PPP6R2: variants seen among roughly 807,000 people sequenced by gnomAD.
PPP6R2 encodes protein phosphatase 6 regulatory subunit 2, also known as serine/threonine-protein phosphatase 6 regulatory subunit 2.
A neutral mutation model predicts 100.2 loss-of-function variants in PPP6R2; 62 were observed. The observed-to-expected ratio is 0.62, with a 90% CI of 0.50 to 0.76. The LOEUF (loss-of-function observed/expected upper bound fraction) is 0.76, where lower values mean the gene tolerates loss of function less well. Among genes scored for constraint, PPP6R2 ranks in the 30% least tolerant of loss-of-function variants. The pLI is 0.00. For missense variants in PPP6R2, 1,142 were observed against 1,276.3 expected (o/e 0.89, Z 1.60); for synonymous variants, 525 against 514.7 (o/e 1.02, Z -0.27).
intron 10 of PPP6R2, among the ~76,000 whole-genome samples, chr22:50,424,431 AGGTCCGTCCGCGTGTGG>A (rs2061759976): frequency 7.4e-6 from 1 of 135,086 alleles, no homozygotes; most frequent in Non-Finnish European, 1.6e-5. Flanking sequence ...CGCGTGTGGA[AGGTCCGTCCGCGTGTGG>A]AACGTCTGTC....
chr22:50,370,478 G>T (rs1039462835), intron 1 of PPP6R2, among the ~76,000 whole-genome samples: 2 of 151,282 alleles, frequency 1.3e-5, no homozygotes, highest in African/African-American at 4.9e-5. Context: ...TAGTAGAGAT[G>T]GGGTTTCACT....
chr22:50,336,870 C>A, the PPP6R2 span, among the ~76,000 whole-genome samples: 1 of 151,804 alleles, frequency 6.6e-6, no homozygotes, highest in African/African-American at 2.4e-5. Flanking sequence ...CCATGCCCAG[C>A]TAATTTTAAA....
At chr22:50,397,575 T>TGC (rs1569403999) in intron 3 of PPP6R2, among the ~76,000 whole-genome samples, 1 of 103,174 alleles carries the variant, frequency 9.7e-6, no homozygotes, top group African/African-American at 3.6e-5. Context: ...AGCCCTGTCA[T>TGC]CTCTGAGTTT....
At chr22:50,352,869 C>A (rs2045635228) in intron 1 of PPP6R2, among the ~76,000 whole-genome samples, 1 of 151,980 alleles carries the variant, frequency 6.6e-6, no homozygotes, top group African/African-American at 2.4e-5. Flanking sequence ...GAGTTTGAGA[C>A]CAACCTGAGT....
At chr22:50,341,643 AATGTTGGTAGTGGAGCTACC>A (rs2042398542), upstream of PPP6R2, among the ~76,000 whole-genome samples, 2 of 152,166 alleles carry the variant, frequency 1.3e-5, no homozygotes, top group South Asian at 4.1e-4. Context: ...TTTGAACCAG[AATGTTGGTAGTGGAGCTACC>A]ACATGTTGCA....
intron 16 of PPP6R2, 37 bp from the exon 17 acceptor site, chr22:50,437,806 T>C (rs5770779): frequency 0.72 from 1,115,122 of 1,549,672 alleles, 403,771 homozygotes; most frequent in East Asian, 0.96. Context: ...GCAGTGGGCC[T>C]GGAGGAACGC....
At chr22:50,418,011 A>C (rs750717770) in intron 6 of PPP6R2, among the ~76,000 whole-genome samples, 6 of 152,328 alleles carry the variant, frequency 3.9e-5, no homozygotes, top group Non-Finnish European at 7.4e-5. Context: ...TTGCGTGTTA[A>C]TGTTTCCCTA....
rs934248093 is a variant in PPP6R2 at position 50,423,197 on chromosome 22, G to A, written c.973-265G>A. On this transcript the variant is annotated intron_variant, in intron 9 of 23. Transcript: ENST00000612753. This position sits in a 1 kb window ranked among gnomAD's most constrained non-coding sequence, Gnocchi z 4.8. The stretch of plus-strand genomic sequence containing the variant: ...GGACATCTCACCCGCTGAGGTGCAC[G>A]GCTCTCTGGCCCTGCAGGCTCAGAC... Among the ~76,000 whole-genome samples the A allele has an allele frequency of 2.0e-5, 3 of 152,284 alleles. No individual in the cohort carries two copies. In the East Asian group the frequency reaches 5.8e-4, roughly 29 times the overall value.
chr22:50,337,875 ATGTG>A, the PPP6R2 span, among the ~76,000 whole-genome samples: 1 of 65,490 alleles, frequency 1.5e-5, no homozygotes. Flanking sequence ...TGTGTGGTGT[ATGTG>A]TGGTGTGTGG....
chr22:50,443,300 CCGT>C (rs2066221674), intron 22 of PPP6R2: 1 of 154,494 alleles, frequency 6.5e-6, no homozygotes, highest in Non-Finnish European at 1.4e-5. Flanking sequence ...CCTGCCTGCA[CCGT>C]CGTCACGGCC....
upstream of PPP6R2, among the ~76,000 whole-genome samples, chr22:50,340,722 G>GC (rs952298687): frequency 1.3e-5 from 2 of 151,828 alleles, no homozygotes; most frequent in African/African-American, 4.8e-5. Flanking sequence ...ACCAAGGAAG[G>GC]CCCTGCGGGG....
intron 2 of PPP6R2, among the ~76,000 whole-genome samples, chr22:50,377,589 T>C (rs1222867367): frequency 6.6e-6 from 1 of 152,140 alleles, no homozygotes; most frequent in Admixed American, 6.6e-5. Flanking sequence ...GGCCAGAACA[T>C]GGGACATCGA....
Position 50,414,668 on chromosome 22 carries a change from G to A in PPP6R2, c.531G>A (p.Gly177=), listed in dbSNP as rs200836158. Residue 177 remains glycine (G), a synonymous_variant, in exon 5 of 24, where the codon GGG becomes GGA. Transcript: ENST00000612753. ...TGGTCAGCTGTGTGGAGCCAGCCGG[G>A]CTCCGGCAGGACGTCCTGCACGTGA... ...LRLVSCVEPA[G]LRQDVLHWLN... is the part of the protein sequence containing the mutation. 5.0e-6 allele frequency: 8 copies of A among 1,612,534 alleles called. No homozygotes were observed. The East Asian group carries it at 1.8e-4, about 36-fold the overall frequency.
upstream of PPP6R2, among the ~76,000 whole-genome samples, chr22:50,340,163 GGT>G (rs944887556): frequency 1.4e-5 from 2 of 144,650 alleles, no homozygotes; most frequent in Non-Finnish European, 3.0e-5. Context: ...TAGGGCGTGT[GGT>G]GTGTGTGTAG....
intron 2 of PPP6R2, among the ~76,000 whole-genome samples, chr22:50,377,608 G>A (rs745681445): frequency 6.6e-6 from 1 of 152,196 alleles, no homozygotes; most frequent in Non-Finnish European, 1.5e-5. Flanking sequence ...GAGGGCAAAT[G>A]TCTAATGGAT....
the PPP6R2 span, among the ~76,000 whole-genome samples, chr22:50,332,626 C>CTTT: frequency 7.5e-5 from 10 of 134,126 alleles, no homozygotes; most frequent in African/African-American, 2.5e-4. Flanking sequence ...GGTTTAAATC[C>CTTT]TTTTTTTTTT....
chr22:50,352,090 C>T (rs1046342617), intron 1 of PPP6R2, among the ~76,000 whole-genome samples: 5 of 152,034 alleles, frequency 3.3e-5, no homozygotes, highest in African/African-American at 1.2e-4. Context: ...CCACCGCACC[C>T]GGCCACACCC....
Position 50,439,976 on chromosome 22 carries a change from C to G in PPP6R2, c.2301C>G (p.Pro767=). ...TTGTATGCAGCTCCGAGTCAGGGCC[C>G]AGGTGCAGCTCTCCGGTGGACACAG... ...FQPFCCSESG[P]RCSSPVDTEC... The change falls in exon 21 of 24, where the codon CCC becomes CCG. Residue 767 remains proline (P), a synonymous_variant. Coordinates refer to ENST00000612753, the MANE Select transcript of PPP6R2 (RefSeq NM_001242898.2). 1 of 1,613,610 alleles carries G rather than the reference C, an allele frequency of 6.2e-7. No homozygotes were observed. Among genetic ancestry groups the G allele is most frequent in the Non-Finnish European group, 8.5e-7 (1 of 1,179,928 alleles).
At position 50,444,473 on chromosome 22, in the gene PPP6R2, C is replaced by A; in HGVS notation, c.*226C>A. 2.0e-6 allele frequency: 1 copy of A among 512,456 alleles called. No homozygotes were observed. Among genetic ancestry groups the A allele is most frequent in the South Asian group, 2.4e-5 (1 of 40,966 alleles). 31.7% of individuals were successfully genotyped at this position (512,456 alleles called of 1,614,324 possible). On this transcript the variant is annotated 3_prime_UTR_variant, in exon 24 of 24. Coordinates refer to ENST00000612753, the MANE Select transcript of PPP6R2 (RefSeq NM_001242898.2). Reference sequence around the variant, plus strand: ...GCCCTGCTGGAGGACAGAGGGGCACCTCAGCCGCCCCCAAGCCCAGAGCAC... The same window carrying A: ...GCCCTGCTGGAGGACAGAGGGGCACATCAGCCGCCCCCAAGCCCAGAGCAC...
Sources: gnomAD v4.1 joint callset for allele counts (sites outside exome capture counted in the v4.1 genomes callset) on GRCh38, gnomAD v4.1.1 for gene constraint, Gnocchi (gnomAD v3.1) non-coding constraint, MANE v1.5 for transcripts, NCBI Gene and HGNC (gene_info 2026-07-23, HGNC 2026-07-21) for gene names.